Variants in SANBR observed in about 807,000 individuals in gnomAD.
SANBR encodes the protein SANT and BTB domain regulator of CSR.
SANBR carries 77 observed loss-of-function variants against 101.8 expected under a neutral mutation model. The ratio of observed to expected loss-of-function variants is 0.76; its 90% CI spans 0.63 to 0.91. The LOEUF is 0.91. SANBR is among the 40% of genes least tolerant of loss of function. The pLI is 0.00. For missense variants in SANBR, 875 were observed against 853.0 expected (o/e 1.03, Z -0.32); for synonymous variants, 279 against 274.7 (o/e 1.02, Z -0.15).
intron 16 of SANBR, among the ~76,000 whole-genome samples, chr2:61,109,670 TTTTTGTGTTTG>T (rs1683730308): frequency 6.6e-6 from 1 of 150,652 alleles, no homozygotes; most frequent in African/African-American, 2.5e-5. Context: ...AAGCATGTTT[TTTTTGTGTTTG>T]TTTTTTTTTT....
At chr2:61,086,965 G>T (rs773987242) in intron 8 of SANBR, among the ~76,000 whole-genome samples, 1 of 152,242 alleles carries the variant, frequency 6.6e-6, no homozygotes, top group East Asian at 1.9e-4. Flanking sequence ...AAGGAAAGAT[G>T]GAGACAGGTA....
chr2:61,091,324 G>A (rs1682744278), intron 10 of SANBR, among the ~76,000 whole-genome samples: 1 of 151,876 alleles, frequency 6.6e-6, no homozygotes, highest in Non-Finnish European at 1.5e-5. Context: ...TGGCATGGTG[G>A]CTCATGCTTG....
chr2:61,104,192 A>T (rs1454638783), intron 13 of SANBR, among the ~76,000 whole-genome samples, 194 bp downstream of exon 13: 2 of 152,142 alleles, frequency 1.3e-5, no homozygotes, highest in Non-Finnish European at 2.9e-5. Context: ...ACTTAAAAAT[A>T]CTGGAGGTGG....
intron 1 of SANBR, among the ~76,000 whole-genome samples, chr2:61,067,880 C>A (rs1001565880): frequency 6.6e-6 from 1 of 152,180 alleles, no homozygotes; most frequent in African/African-American, 2.4e-5. Context: ...TTCAAGGATT[C>A]AAAACTAAAT....
rs537808938 is a variant in SANBR, at chr2:61,073,618, G to A, written c.431+67G>A. On this transcript the variant is annotated intron_variant, in intron 5 of 21. Coordinates refer to ENST00000402291, the MANE Select transcript of SANBR (RefSeq NM_001129993.3). ...ATCAACTTCATAAAATATATGATTGGTGGTTACCATAAGGTAGGAATTTCA... is the reference window on the plus strand; with the variant it reads ...ATCAACTTCATAAAATATATGATTGATGGTTACCATAAGGTAGGAATTTCA... The A allele has an allele frequency of 4.5e-5, 40 of 881,126 alleles. No homozygotes were observed. The East Asian group carries it at 6.2e-4, about 14-fold the overall frequency. The allele number at this position is 881,126 out of a possible 1,614,324, so 54.6% of individuals were successfully genotyped here.
intron 21 of SANBR, among the ~76,000 whole-genome samples, chr2:61,135,339 A>G (rs1370137063): frequency 2.6e-5 from 4 of 152,242 alleles, no homozygotes; most frequent in African/African-American, 4.8e-5. Context: ...ATATAATACC[A>G]TAAGTATATG....
intron 6 of SANBR, among the ~76,000 whole-genome samples, chr2:61,080,847 T>C (rs12713433): frequency 0.18 from 28,034 of 152,172 alleles, 2,725 homozygotes; most frequent in Middle Eastern, 0.32. Flanking sequence ...GTTAGTACTG[T>C]AATGATGCAA....
At chr2:61,078,937 G>A (rs1233528831) in intron 6 of SANBR, among the ~76,000 whole-genome samples, 1 of 151,862 alleles carries the variant, frequency 6.6e-6, no homozygotes, top group Non-Finnish European at 1.5e-5. Context: ...TACTTGGGAG[G>A]GTGAGGCATG....
chr2:61,124,247 A>G lies in SANBR; in HGVS notation c.*2085A>G. The G allele has an allele frequency of 1.0e-6, 1 of 966,238 alleles. No individual in the cohort carries two copies. Among genetic ancestry groups the G allele is most frequent in the Non-Finnish European group, 1.2e-6 (1 of 812,380 alleles). 59.9% of individuals were successfully genotyped at this position (966,238 alleles called of 1,614,324 possible). A position where few individuals can be genotyped will look rare whatever the true frequency, so the allele number is the denominator to read the frequency against. The stretch of plus-strand genomic sequence containing the variant: ...CACCTTACATTAATCCTGGATTCAC[A>G]TTTCTTTAATTGAAATAAATGTTAA... On this transcript the variant is annotated 3_prime_UTR_variant, in exon 22 of 22. Transcript: ENST00000402291.
chr2:61,106,681 CT>C lies in SANBR; in HGVS notation c.1611+21del. 7.4e-7 allele frequency: 1 copy of C among 1,352,240 alleles called. No individual in the cohort carries two copies. Among genetic ancestry groups the C allele is most frequent in the Non-Finnish European group, 1.0e-6 (1 of 972,012 alleles). 83.8% of individuals were successfully genotyped at this position (1,352,240 alleles called of 1,614,324 possible). A position where few individuals can be genotyped will look rare whatever the true frequency, so the allele number is the denominator to read the frequency against. On this transcript the variant is annotated intron_variant, in intron 14 of 21. Transcript: ENST00000402291. ...CAATGCTGTGAGTAGTTTTTTTTCA[CT>C]TATTCTTTATTTACATAAATAATTA...
At chr2:61,105,658 G>T (rs973160418) in intron 13 of SANBR, among the ~76,000 whole-genome samples, 1 of 130,924 alleles carries the variant, frequency 7.6e-6, no homozygotes, top group African/African-American at 2.8e-5. Context: ...GAGCCACTGC[G>T]CCTGGCCGCA....
chr2:61,120,719 T>C (rs1684293352), intron 20 of SANBR, among the ~76,000 whole-genome samples: 1 of 152,150 alleles, frequency 6.6e-6, no homozygotes, highest in Admixed American at 6.6e-5. Flanking sequence ...AGTGAGATGC[T>C]GTCTCCAAAA....
In SANBR at chr2:61,068,913, G is replaced by A. The variant is rs1681318155; in HGVS notation, c.-82G>A. ...AGATAATGCCATAAGTAGTAGAACT[G>A]CGATGCAAACTTGGACAGTCTGACT... On this transcript the variant is annotated 5_prime_UTR_variant, in exon 2 of 22. Transcript: ENST00000402291. 1 of 152,332 alleles carries A rather than the reference G, an allele frequency of 6.6e-6. No homozygotes were observed. Among genetic ancestry groups the A allele is most frequent in the Admixed American group, 6.5e-5 (1 of 15,278 alleles). The allele number at this position is 152,332 out of a possible 1,614,324, so 9.4% of individuals were successfully genotyped here. A position where few individuals can be genotyped will look rare whatever the true frequency, so the allele number is the denominator to read the frequency against.
intron 1 of SANBR, among the ~76,000 whole-genome samples, chr2:61,066,662 C>A (rs1371714827): frequency 6.6e-6 from 1 of 152,250 alleles, no homozygotes; most frequent in African/African-American, 2.4e-5. Context: ...GGGGCCCCCT[C>A]TCTTCCCATC....
intron 7 of SANBR, 64 bp downstream of exon 7, chr2:61,081,574 T>G: frequency 7.0e-7 from 1 of 1,425,054 alleles, no homozygotes; most frequent in East Asian, 2.7e-5. Context: ...TTCCTTCAAG[T>G]ATCTAGAAAA....
At position 61,070,427 on chromosome 2, in the gene SANBR, C is replaced by T; in HGVS notation, c.77C>T (p.Pro26Leu). 1 of 1,601,380 alleles carries T rather than the reference C, an allele frequency of 6.2e-7. No homozygotes were observed. The highest frequency in any genetic ancestry group is 1.3e-5 in the African/African-American group (1 of 74,166). ...NQMVLDMILYPLIGIPQTINW... is the reference protein window; with the variant it reads ...NQMVLDMILYLLIGIPQTINW... Reference sequence around the variant, plus strand: ...ATGGTATTGGACATGATCCTTTATCCATTAATTGGAATCCCTCAGACTATC... The same window carrying T: ...ATGGTATTGGACATGATCCTTTATCTATTAATTGGAATCCCTCAGACTATC... Residue 26 changes from proline to leucine, a missense_variant, in exon 3 of 22, where the codon CCA (proline) becomes CTA (leucine). Pro to Leu is a moderately conservative substitution (Grantham distance 98). Transcript: ENST00000402291.
At chr2:61,106,108 G>T (rs926151883) in intron 13 of SANBR, among the ~76,000 whole-genome samples, 1 of 151,962 alleles carries the variant, frequency 6.6e-6, no homozygotes, top group African/African-American at 2.4e-5. Flanking sequence ...AAATGTCATC[G>T]TTGGCTGGGC....
At chr2:61,097,584 G>A (rs1475023463) in intron 11 of SANBR, 116 bp from the exon 12 acceptor site, 1 of 783,374 alleles carries the variant, frequency 1.3e-6, no homozygotes, top group African/African-American at 1.7e-5. Context: ...GTATAGATTG[G>A]CTTTTTCTGC....
chr2:61,079,373 TAGTC>T lies in SANBR; in HGVS notation c.671-2078_671-2075del, dbSNP rs143547728. ...TTGTATGATCACACTTGTGGTTTAA[TAGTC>T]TTTCTATGCACTAGAATTGCTATTT... On this transcript the variant is annotated intron_variant, in intron 6 of 21. Transcript: ENST00000402291. 2.0e-4 allele frequency among the ~76,000 whole-genome samples: 30 copies of T among 152,338 alleles called. No individual in the cohort carries two copies. The East Asian group carries it at 5.4e-3, about 27-fold the overall frequency.
Sources: allele counts gnomAD v4.1 joint callset (sites outside exome capture counted in the v4.1 genomes callset), GRCh38; gene constraint gnomAD v4.1.1; transcripts MANE v1.5; gene names NCBI Gene and HGNC (gene_info 2026-07-23, HGNC 2026-07-21).